Variants in DLGAP2 observed in about 807,000 individuals in gnomAD.
DLGAP2 encodes disks large-associated protein 2.
Under a neutral mutation model 100.3 loss-of-function variants are expected in DLGAP2, and 26 were observed. That is an observed-to-expected ratio of 0.26 (90% CI 0.19 to 0.36). The LOEUF (loss-of-function observed/expected upper bound fraction) is 0.36. Ranked by LOEUF, DLGAP2 falls within the 10% of genes least tolerant of loss-of-function variation. The pLI, the probability that DLGAP2 is intolerant of heterozygous loss-of-function variation, is 1.00. For missense variants in DLGAP2, 1,858 were observed against 1,453.2 expected (o/e 1.28, Z -4.53); for synonymous variants, 886 against 630.1 (o/e 1.41, Z -6.08).
In DLGAP2 at chr8:1,410,602, T is replaced by C. The variant is rs568572641; in HGVS notation, c.107-90764T>C. Reference sequence around the variant, plus strand: ...GCTCCCTTCTCAGAATGAAATACAGTGAAATTATGGCTTAAAACTCCTGGG... The same window carrying C: ...GCTCCCTTCTCAGAATGAAATACAGCGAAATTATGGCTTAAAACTCCTGGG... On this transcript the variant is annotated intron_variant, in intron 3 of 14. Coordinates refer to ENST00000637795, the MANE Select transcript of DLGAP2 (RefSeq NM_001346810.2). Among the ~76,000 whole-genome samples, 16 of 152,184 alleles carry C rather than the reference T, an allele frequency of 1.1e-4. No individual in the cohort carries two copies. The South Asian group carries it at 3.1e-3, about 30-fold the overall frequency.
At chr8:858,726 C>T (rs770659829) in intron 1 of DLGAP2, among the ~76,000 whole-genome samples, 70 of 145,912 alleles carry the variant, frequency 4.8e-4, no homozygotes, top group South Asian at 1.1e-3. Context: ...ATGCTCTCAC[C>T]GTGGGCACAT....
chr8:1,555,218 C>T (rs1801921099), intron 5 of DLGAP2, among the ~76,000 whole-genome samples: 4 of 152,144 alleles, frequency 2.6e-5, no homozygotes, highest in African/African-American at 9.7e-5. Context: ...CTGCACAATC[C>T]TTCCGCAGCC....
At chr8:1,338,340 C>T (rs12543662) in intron 3 of DLGAP2, among the ~76,000 whole-genome samples, 3 of 152,034 alleles carry the variant, frequency 2.0e-5, no homozygotes, top group Non-Finnish European at 4.4e-5. Flanking sequence ...ATGATGGAGC[C>T]CACACCACAT....
intron 3 of DLGAP2, among the ~76,000 whole-genome samples, chr8:1,460,259 CTG>C (rs1177628622): frequency 3.9e-5 from 6 of 152,218 alleles, no homozygotes; most frequent in African/African-American, 1.2e-4. Context: ...GCCATGTTCT[CTG>C]TGTACAAGTG....
chr8:1,061,454 C>G (rs954228326), intron 2 of DLGAP2, among the ~76,000 whole-genome samples: 3 of 152,120 alleles, frequency 2.0e-5, no homozygotes, highest in Admixed American at 6.5e-5. Flanking sequence ...TTAGAATTTA[C>G]AGTTATAACT....
intron 8 of DLGAP2, among the ~76,000 whole-genome samples, chr8:1,637,741 C>T (rs1365303495): frequency 6.6e-6 from 1 of 152,242 alleles, no homozygotes; most frequent in African/African-American, 2.4e-5. Flanking sequence ...TCCAGAAGCA[C>T]TGAAGTCCTG....
intron 8 of DLGAP2, among the ~76,000 whole-genome samples, chr8:1,653,468 T>C (rs1798213438): frequency 6.6e-6 from 1 of 152,296 alleles, no homozygotes; most frequent in East Asian, 1.9e-4. Context: ...ACAGGTGTCG[T>C]TCATGCTCAG....
At chr8:1,699,685 G>T (rs1164178706) in intron 14 of DLGAP2, among the ~76,000 whole-genome samples, 1 of 152,156 alleles carries the variant, frequency 6.6e-6, no homozygotes. Flanking sequence ...AAAGCGAGCA[G>T]ATCTCCAGCA....
chr8:1,228,398 A>G (rs1798466158), intron 2 of DLGAP2, among the ~76,000 whole-genome samples: 1 of 152,220 alleles, frequency 6.6e-6, no homozygotes, highest in Non-Finnish European at 1.5e-5. Flanking sequence ...ATAAATTAAT[A>G]ACAATCTTAC....
At position 1,447,870 on chromosome 8, in the gene DLGAP2, A is replaced by G. The variant is rs539071001; in HGVS notation, c.107-53496A>G. ...TTCTTCTAGATTTTCTAGTTTATAT[A>G]CGTAGAGGTGTTTGTAGTATTCTCT... On this transcript the variant is annotated intron_variant, in intron 3 of 14. Coordinates refer to ENST00000637795, the MANE Select transcript of DLGAP2 (RefSeq NM_001346810.2). Among the ~76,000 whole-genome samples, 11 of 152,196 alleles carry G rather than the reference A, an allele frequency of 7.2e-5. No homozygotes were observed. The East Asian group carries it at 1.7e-3, about 24-fold the overall frequency.
intron 2 of DLGAP2, among the ~76,000 whole-genome samples, chr8:954,901 C>G (rs1475436668): frequency 2.0e-5 from 3 of 152,154 alleles, no homozygotes; most frequent in Non-Finnish European, 4.4e-5. Context: ...TAATATTTGA[C>G]TAAATTAGAA....
At chr8:1,514,959 C>T (rs1397932015) in intron 4 of DLGAP2, among the ~76,000 whole-genome samples, 1 of 151,810 alleles carries the variant, frequency 6.6e-6, no homozygotes, top group South Asian at 2.1e-4. Context: ...GCAGGGAGAC[C>T]GACGTGCAGG....
chr8:1,139,153 T>A (rs1796477097), intron 2 of DLGAP2, among the ~76,000 whole-genome samples: 1 of 152,162 alleles, frequency 6.6e-6, no homozygotes, highest in Admixed American at 6.5e-5. Flanking sequence ...GCTGGGGGGA[T>A]GTGGGCATGG....
At chr8:1,255,846 C>T (rs1799193701) in intron 2 of DLGAP2, among the ~76,000 whole-genome samples, 1 of 127,786 alleles carries the variant, frequency 7.8e-6, no homozygotes, top group African/African-American at 3.6e-5. Flanking sequence ...TGTGTGTCCT[C>T]TCCTGCCTGG....
intron 3 of DLGAP2, among the ~76,000 whole-genome samples, chr8:1,459,640 G>A (rs958864683): frequency 2.6e-5 from 4 of 151,798 alleles, no homozygotes; most frequent in South Asian, 4.2e-4. Context: ...AGAGCTGTCA[G>A]GATCATCCAG....
intron 3 of DLGAP2, among the ~76,000 whole-genome samples, chr8:1,428,596 C>T (rs1422927530): frequency 1.3e-5 from 2 of 152,212 alleles, no homozygotes; most frequent in African/African-American, 2.4e-5. Flanking sequence ...TTAAATAAGA[C>T]ATTAGACATT....
intron 2 of DLGAP2, among the ~76,000 whole-genome samples, chr8:1,209,084 A>T (rs1324062592): frequency 6.6e-6 from 1 of 152,086 alleles, no homozygotes; most frequent in African/African-American, 2.4e-5. Context: ...GCCAAACACA[A>T]TGGATAAATT....
At chr8:896,779 A>G (rs1013722348) in intron 1 of DLGAP2, among the ~76,000 whole-genome samples, 2 of 152,124 alleles carry the variant, frequency 1.3e-5, no homozygotes, top group Non-Finnish European at 2.9e-5. Flanking sequence ...GAACTGTGAG[A>G]AATGAATTCT....
chr8:1,191,202 C>T lies in DLGAP2; in HGVS notation c.74-67649C>T, dbSNP rs547742716. 1.6e-4 allele frequency among the ~76,000 whole-genome samples: 24 copies of T among 146,054 alleles called. No homozygotes were observed. In the South Asian group the frequency reaches 3.7e-3, roughly 23 times the overall value. ...TTTTTTTTTTTTTGAGACGGAATCTCACTCTGTCACCCAGGCTGGAGTACA... is the reference window on the plus strand; with the variant it reads ...TTTTTTTTTTTTTGAGACGGAATCTTACTCTGTCACCCAGGCTGGAGTACA... On this transcript the variant is annotated intron_variant, in intron 2 of 14. Coordinates refer to ENST00000637795, the MANE Select transcript of DLGAP2 (RefSeq NM_001346810.2).
Sources: gnomAD v4.1 joint callset for allele counts (sites outside exome capture counted in the v4.1 genomes callset) on GRCh38, gnomAD v4.1.1 for gene constraint, MANE v1.5 for transcripts, NCBI Gene and HGNC (gene_info 2026-07-23, HGNC 2026-07-21) for gene names.